Variants in MACO1 observed in about 807,000 individuals in gnomAD.
The protein encoded by MACO1 is macoilin.
Under a neutral mutation model 78.7 loss-of-function variants are expected in MACO1, and 14 were observed. The ratio of observed to expected loss-of-function variants is 0.18; its 90% CI spans 0.12 to 0.28. The LOEUF (loss-of-function observed/expected upper bound fraction) is 0.28, where lower values mean the gene tolerates loss of function less well. Ranked by LOEUF, MACO1 falls within the 10% of genes least tolerant of loss-of-function variation. MACO1 has a pLI of 1.00. For synonymous variants in MACO1, 288 were observed against 291.6 expected (o/e 0.99, Z 0.12); for missense variants, 501 against 799.0 (o/e 0.63, Z 4.50).
intron 4 of MACO1, 84 bp downstream of exon 4, chr1:25,454,466 G>GTATATATA (rs1182318467): frequency 2.1e-3 from 368 of 174,472 alleles, no homozygotes; most frequent in South Asian, 2.6e-3. Flanking sequence ...GTGTGTGTGT[G>GTATATATA]TGTGTATATA....
At chr1:25,493,595 A>G (rs1165540571) in intron 10 of MACO1, among the ~76,000 whole-genome samples, 1 of 152,032 alleles carries the variant, frequency 6.6e-6, no homozygotes. Context: ...AACATATTAC[A>G]TGTTAATATA....
intron 6 of MACO1, among the ~76,000 whole-genome samples, chr1:25,472,424 C>G (rs2043281940): frequency 6.9e-6 from 1 of 144,834 alleles, no homozygotes; most frequent in African/African-American, 2.6e-5. Context: ...TTCATGCGTT[C>G]TCATTGTTCA....
chr1:25,446,749 T>C lies in MACO1; in HGVS notation c.81-13T>C. Reference sequence around the variant, plus strand: ...ATGACCTTAAATTAATTCTTTATTTTTATATTTTGCAGTACATTTTTATAC... The same window carrying C: ...ATGACCTTAAATTAATTCTTTATTTCTATATTTTGCAGTACATTTTTATAC... On this transcript the variant is annotated splice_polypyrimidine_tract_variant and intron_variant, in intron 1 of 10. Coordinates refer to ENST00000374343, the MANE Select transcript of MACO1 (RefSeq NM_018202.6). 6.3e-7 allele frequency: 1 copy of C among 1,591,844 alleles called. No homozygotes were observed. The highest frequency in any genetic ancestry group is 1.2e-5 in the South Asian group (1 of 86,690).
At chr1:25,431,233 T>C in intron 1 of MACO1, 55 bp downstream of exon 1, 1 of 1,390,726 alleles carries the variant, frequency 7.2e-7, no homozygotes, top group Non-Finnish European at 9.8e-7. Flanking sequence ...CCCCTCCAGC[T>C]CCGAGGGGCC....
intron 10 of MACO1, among the ~76,000 whole-genome samples, chr1:25,494,021 G>A (rs1196867426): frequency 1.3e-5 from 2 of 152,170 alleles, no homozygotes; most frequent in Non-Finnish European, 2.9e-5. Flanking sequence ...GTGAGCCACC[G>A]TGCCCGGCCA....
chr1:25,469,813 A>G, intron 6 of MACO1, among the ~76,000 whole-genome samples: 1 of 151,490 alleles, frequency 6.6e-6, no homozygotes, highest in East Asian at 1.9e-4. Flanking sequence ...ATTTTTGTAG[A>G]GACGGGGTTT....
chr1:25,444,781 C>T lies in MACO1; in HGVS notation c.81-1981C>T, dbSNP rs548481089. 1.2e-4 allele frequency among the ~76,000 whole-genome samples: 19 copies of T among 152,074 alleles called. No homozygotes were observed. The South Asian group carries it at 3.9e-3, about 32-fold the overall frequency. ...TTTAAATTTTTTGTACAGATGGGGT[C>T]TCACTATGTTGCCCAGGCTGGTCTC... On this transcript the variant is annotated intron_variant, in intron 1 of 10. Transcript: ENST00000374343.
At chr1:25,493,727 C>CTTTTTTTT (rs1189775109) in intron 10 of MACO1, among the ~76,000 whole-genome samples, 24 of 92,052 alleles carry the variant, frequency 2.6e-4, no homozygotes, top group African/African-American at 5.1e-4. Flanking sequence ...TAGTTTGATT[C>CTTTTTTTT]TTTTTTTTTT....
rs546972930 is a variant in MACO1 at position 25,468,687 on chromosome 1, G to A, written c.1154+9795G>A. On this transcript the variant is annotated intron_variant, in intron 6 of 10. Coordinates refer to ENST00000374343, the MANE Select transcript of MACO1 (RefSeq NM_018202.6). Reference sequence around the variant, plus strand: ...GCTCCCATAATTAGTTCTGTTTAGAGACTTGAGAGCCTGAAAGGAAATGGG... The same window carrying A: ...GCTCCCATAATTAGTTCTGTTTAGAAACTTGAGAGCCTGAAAGGAAATGGG... 1.1e-3 allele frequency among the ~76,000 whole-genome samples: 174 copies of A among 152,298 alleles called. 4 individuals are homozygous for A. In the Middle Eastern group the frequency reaches 0.017, roughly 15 times the overall value.
intron 6 of MACO1, among the ~76,000 whole-genome samples, chr1:25,480,350 A>C (rs1310429651): frequency 6.6e-6 from 1 of 152,234 alleles, no homozygotes; most frequent in Admixed American, 6.5e-5. Context: ...CAGTTTGGAA[A>C]ATAATTCACA....
chr1:25,497,969 A>G (rs1423836965), intron 10 of MACO1, among the ~76,000 whole-genome samples: 3 of 152,242 alleles, frequency 2.0e-5, no homozygotes, highest in East Asian at 1.9e-4. Flanking sequence ...ACTGTGGCCC[A>G]TGGGCCAAAT....
intron 6 of MACO1, among the ~76,000 whole-genome samples, chr1:25,479,438 G>T (rs1471133911): frequency 6.6e-6 from 1 of 151,582 alleles, no homozygotes; most frequent in Non-Finnish European, 1.5e-5. Flanking sequence ...TTTTGAAATG[G>T]AGTCTCTCTC....
intron 3 of MACO1, among the ~76,000 whole-genome samples, chr1:25,450,305 A>G (rs1187727908): frequency 6.6e-6 from 1 of 152,060 alleles, no homozygotes; most frequent in Non-Finnish European, 1.5e-5. Flanking sequence ...TGTGGCAGGT[A>G]TGTTCTGACT....
rs749282168 is a variant in MACO1 at position 25,454,393 on chromosome 1, C to G, written c.473+11C>G. On this transcript the variant is annotated intron_variant, in intron 4 of 10. Transcript: ENST00000374343. ...ATTTGCTGCTCACTGGTAAGTATTA[C>G]ATAAATGTATGTGTGTGTGTGTGTA... The G allele has an allele frequency of 2.6e-6, 4 of 1,548,756 alleles. No individual in the cohort carries two copies. Among genetic ancestry groups the G allele is most frequent in the Non-Finnish European group, 2.6e-6 (3 of 1,145,388 alleles).
intron 6 of MACO1, among the ~76,000 whole-genome samples, chr1:25,474,225 G>T (rs760404764): frequency 6.6e-6 from 1 of 152,158 alleles, no homozygotes; most frequent in African/African-American, 2.4e-5. Flanking sequence ...ATATCTTTAC[G>T]TGAAACCTCT....
At chr1:25,494,412 G>C (rs973171449) in intron 10 of MACO1, among the ~76,000 whole-genome samples, 1 of 152,172 alleles carries the variant, frequency 6.6e-6, no homozygotes, top group Non-Finnish European at 1.5e-5. Context: ...GTGCCGGGAT[G>C]TTCAGGTGAG....
At position 25,458,496 on chromosome 1, in the gene MACO1, G is replaced by A. The variant is rs1168650941; in HGVS notation, c.758G>A (p.Arg253Gln). 9 of 1,613,490 alleles carry A rather than the reference G, an allele frequency of 5.6e-6. No homozygotes were observed. Among genetic ancestry groups the A allele is most frequent in the African/African-American group, 4.0e-5 (3 of 74,720 alleles). Residue 253 changes from arginine to glutamine, a missense_variant, in exon 6 of 11, where the codon CGA becomes CAA. Transcript: ENST00000374343. ...ACAACTTTGCCAGAGATAGAATACC[G>A]AGAAAAAGGGAAAGAAAAGGACAAG... The part of the protein sequence containing the change: ...LSTTLPEIEY[R>Q]EKGKEKDKDA...
Position 25,499,177 on chromosome 1 carries a change from A to G in MACO1, c.*711A>G, listed in dbSNP as rs2124617561. ...CAGTGCCTTGGGAAAAGACATTTCA[A>G]GAGGAAACTTGATAATTTTAAACTC... On this transcript the variant is annotated 3_prime_UTR_variant, in exon 11 of 11. Coordinates refer to ENST00000374343, the MANE Select transcript of MACO1 (RefSeq NM_018202.6). 1 of 152,368 alleles carries G rather than the reference A, an allele frequency of 6.6e-6. No homozygotes were observed. The highest frequency in any genetic ancestry group is 2.4e-5 in the African/African-American group (1 of 41,584). The allele number at this position is 152,368 out of a possible 1,614,324, so 9.4% of individuals were successfully genotyped here.
At chr1:25,489,512 T>A (rs939563187) in intron 9 of MACO1, among the ~76,000 whole-genome samples, 1 of 152,198 alleles carries the variant, frequency 6.6e-6, no homozygotes, top group Non-Finnish European at 1.5e-5. Flanking sequence ...CCAGAAATGT[T>A]GACAATCCCT....
Sources: allele counts gnomAD v4.1 joint callset (sites outside exome capture counted in the v4.1 genomes callset), GRCh38; gene constraint gnomAD v4.1.1; transcripts MANE v1.5; gene names NCBI Gene and HGNC (gene_info 2026-07-23, HGNC 2026-07-21).